Variants in PPP1R12B observed in about 807,000 individuals in gnomAD.
The protein encoded by PPP1R12B is protein phosphatase 1 regulatory subunit 12B, also known as myosin phosphatase target subunit 2.
Under a neutral mutation model 126.1 loss-of-function variants are expected in PPP1R12B, and 76 were observed. That is an observed-to-expected ratio of 0.60 (90% CI 0.50 to 0.73). PPP1R12B has a LOEUF of 0.73. Among genes scored for constraint, PPP1R12B ranks in the 30% least tolerant of loss-of-function variants. The pLI is 0.00. For missense variants in PPP1R12B, 1,052 were observed against 1,205.1 expected (o/e 0.87, Z 1.88); for synonymous variants, 356 against 434.7 (o/e 0.82, Z 2.25).
At chr1:202,375,167 C>G (rs543713157) in intron 1 of PPP1R12B, among the ~76,000 whole-genome samples, 1 of 151,946 alleles carries the variant, frequency 6.6e-6, no homozygotes, top group Non-Finnish European at 1.5e-5. Flanking sequence ...TGATTTCAAA[C>G]TCCTGACCTC....
rs1320091725 is a variant in PPP1R12B at position 202,532,555 on chromosome 1, T to C, written c.2491-26322T>C. ...TCTGTTTATTCACTTTTTATTGATC[T>C]GGTTGTGGCCACTAAATTGATTCAT... On this transcript the variant is annotated intron_variant, in intron 18 of 23. Coordinates refer to ENST00000608999, the MANE Select transcript of PPP1R12B (RefSeq NM_002481.4). 4.6e-5 allele frequency among the ~76,000 whole-genome samples: 7 copies of C among 152,218 alleles called. No individual in the cohort carries two copies. In the East Asian group the frequency reaches 1.3e-3, roughly 29 times the overall value.
chr1:202,540,093 G>A, intron 18 of PPP1R12B: 1 of 1,553,654 alleles, frequency 6.4e-7, no homozygotes, highest in Non-Finnish European at 8.7e-7. Flanking sequence ...TCCCAGCTTT[G>A]TGTGAAGAAT....
chr1:202,488,796 C>T (rs1678487122), intron 14 of PPP1R12B, among the ~76,000 whole-genome samples, 173 bp downstream of exon 14: 1 of 152,100 alleles, frequency 6.6e-6, no homozygotes, highest in African/African-American at 2.4e-5. Context: ...TTTGGGAGGC[C>T]AAGGAGTTGA....
intron 18 of PPP1R12B, among the ~76,000 whole-genome samples, chr1:202,511,997 A>G (rs568587930): frequency 3.6e-4 from 55 of 152,266 alleles, no homozygotes; most frequent in African/African-American, 1.3e-3. Flanking sequence ...TTTGGACTTT[A>G]TGGGAGATAT....
At chr1:202,570,644 C>T (rs1688503517) in intron 23 of PPP1R12B, among the ~76,000 whole-genome samples, 1 of 152,176 alleles carries the variant, frequency 6.6e-6, no homozygotes, top group Non-Finnish European at 1.5e-5. Flanking sequence ...TACTACCACA[C>T]AGAAGTATTC....
chr1:202,496,040 C>G (rs1449417593), intron 17 of PPP1R12B, among the ~76,000 whole-genome samples: 2 of 152,172 alleles, frequency 1.3e-5, no homozygotes, highest in African/African-American at 4.8e-5. Flanking sequence ...AGTGAGTCAA[C>G]AATATCTTAA....
At chr1:202,489,404 T>C (rs1256272643) in intron 14 of PPP1R12B, among the ~76,000 whole-genome samples, 1 of 152,216 alleles carries the variant, frequency 6.6e-6, no homozygotes, top group Non-Finnish European at 1.5e-5. Context: ...TATAAAAACT[T>C]GTATATAGGT....
rs573920721 is a variant in PPP1R12B, at chr1:202,553,411, A to G, written c.2491-5466A>G. Among the ~76,000 whole-genome samples the G allele has an allele frequency of 2.6e-5, 4 of 152,334 alleles. No homozygotes were observed. The East Asian group carries it at 7.7e-4, about 29-fold the overall frequency. ...CTTCAACAGAAGGTAGAGCAAAACA[A>G]TCTTTAACAAAAACACTTAGAGAAG... On this transcript the variant is annotated intron_variant, in intron 18 of 23. Transcript: ENST00000608999.
intron 1 of PPP1R12B, 26 bp downstream of exon 1, chr1:202,349,168 C>T (rs1388632196): frequency 1.9e-6 from 3 of 1,611,680 alleles, no homozygotes; most frequent in South Asian, 1.1e-5. Context: ...GTCTTAGAGG[C>T]GTCCAGTCTC....
chr1:202,470,158 C>T (rs1382096351), intron 13 of PPP1R12B, among the ~76,000 whole-genome samples: 1 of 152,158 alleles, frequency 6.6e-6, no homozygotes, highest in African/African-American at 2.4e-5. Context: ...TATGCTAACA[C>T]GGTTCTTTTC....
chr1:202,580,642 A>G lies in PPP1R12B; in HGVS notation c.*82A>G. 1.7e-6 allele frequency: 2 copies of G among 1,152,528 alleles called. No homozygotes were observed. The highest frequency in any genetic ancestry group is 2.6e-6 in the Non-Finnish European group (2 of 767,604). The allele number at this position is 1,152,528 out of a possible 1,614,324, so 71.4% of individuals were successfully genotyped here. A position where few individuals can be genotyped will look rare whatever the true frequency, so the allele number is the denominator to read the frequency against. Reference sequence around the variant, plus strand: ...CTTTTCCAGTCCTTGCCTTCCAACCAAAAGAAATGGATGTTTTGGTGGAAG... The same window carrying G: ...CTTTTCCAGTCCTTGCCTTCCAACCGAAAGAAATGGATGTTTTGGTGGAAG... On this transcript the variant is annotated 3_prime_UTR_variant, in exon 24 of 24. Transcript: ENST00000608999.
intron 18 of PPP1R12B, among the ~76,000 whole-genome samples, chr1:202,545,799 C>T (rs1449894430): frequency 1.3e-5 from 2 of 152,098 alleles, no homozygotes; most frequent in African/African-American, 4.8e-5. Context: ...GGAAACAGTA[C>T]ATTACAAAGG....
chr1:202,407,287 G>A (rs1212300560), intron 1 of PPP1R12B, among the ~76,000 whole-genome samples: 1 of 152,182 alleles, frequency 6.6e-6, no homozygotes, highest in African/African-American at 2.4e-5. Context: ...TTTAAGTACT[G>A]TTAACCCTTA....
chr1:202,367,547 G>T (rs1349299166), intron 1 of PPP1R12B, among the ~76,000 whole-genome samples: 1 of 152,108 alleles, frequency 6.6e-6, no homozygotes, highest in Non-Finnish European at 1.5e-5. Context: ...AAAAACTCCA[G>T]TTGCTAGGAA....
chr1:202,405,474 G>A (rs1345648865), intron 1 of PPP1R12B, among the ~76,000 whole-genome samples: 1 of 152,152 alleles, frequency 6.6e-6, no homozygotes, highest in Admixed American at 6.5e-5. Context: ...GTGTAGAAAG[G>A]AGGGTCCCTT....
intron 13 of PPP1R12B, among the ~76,000 whole-genome samples, chr1:202,469,224 G>C (rs753082977): frequency 1.1e-4 from 16 of 152,294 alleles, no homozygotes; most frequent in African/African-American, 3.1e-4. Context: ...GAGAATGGTG[G>C]TTAGTTGTGG....
At position 202,591,781 on chromosome 1, in the gene PPP1R12B, C is replaced by T. The variant is rs981894328; in HGVS notation, c.*11221C>T. 2 of 152,770 alleles carry T rather than the reference C, an allele frequency of 1.3e-5. No individual in the cohort carries two copies. The allele number at this position is 152,770 out of a possible 1,614,324, so 9.5% of individuals were successfully genotyped here. On this transcript the variant is annotated 3_prime_UTR_variant, in exon 24 of 24. Transcript: ENST00000608999. Reference sequence around the variant, plus strand: ...GCAGGGATGGTTCTGTCATCCCTGGCTGAGCTGCTGACTGGCTGCTCCTGA... The same window carrying T: ...GCAGGGATGGTTCTGTCATCCCTGGTTGAGCTGCTGACTGGCTGCTCCTGA...
intron 13 of PPP1R12B, among the ~76,000 whole-genome samples, chr1:202,475,843 G>C (rs1244226529): frequency 6.6e-6 from 1 of 151,770 alleles, no homozygotes; most frequent in Non-Finnish European, 1.5e-5. Flanking sequence ...CTTCCAGGTT[G>C]ATATTAAAGA....
chr1:202,564,568 A>G (rs1023159210), intron 21 of PPP1R12B, 21 bp downstream of exon 21: 2 of 1,570,500 alleles, frequency 1.3e-6, no homozygotes, highest in Non-Finnish European at 8.7e-7. Context: ...AGAAGAAGAA[A>G]AAAGATGAGA....
Sources: gnomAD v4.1 joint callset for allele counts (sites outside exome capture counted in the v4.1 genomes callset) on GRCh38, gnomAD v4.1.1 for gene constraint, MANE v1.5 for transcripts, NCBI Gene and HGNC (gene_info 2026-07-23, HGNC 2026-07-21) for gene names.